MS4A18: variants seen among roughly 807,000 people sequenced by gnomAD.
MS4A18 encodes the protein membrane-spanning 4-domains subfamily A member 18.
A neutral mutation model predicts 13.1 loss-of-function variants in MS4A18; 27 were observed. The ratio of observed to expected loss-of-function variants is 2.06; its 90% CI spans 1.52 to 2.84. The LOEUF is 2.84. Among genes scored for constraint, MS4A18 ranks in the 30% most tolerant of loss-of-function variants. The pLI, the probability that MS4A18 is intolerant of heterozygous loss-of-function variation, is 0.00. For missense variants in MS4A18, 307 were observed against 196.4 expected (o/e 1.56, Z -3.37); for synonymous variants, 126 against 76.5 (o/e 1.65, Z -3.38).
At chr11:60,725,393 A>C (rs551514851), upstream of MS4A18, among the ~76,000 whole-genome samples, 1 of 152,030 alleles carries the variant, frequency 6.6e-6, no homozygotes. Context: ...ACAGGGTTTC[A>C]CCGTGTTAAC....
At chr11:60,726,124 A>G (rs1382646430), upstream of MS4A18, among the ~76,000 whole-genome samples, 3 of 152,200 alleles carry the variant, frequency 2.0e-5, no homozygotes, top group African/African-American at 4.8e-5. Flanking sequence ...TGAGTCTCAG[A>G]TCTATTCCTG....
At chr11:60,740,863 T>C (rs1374950503) in intron 4 of MS4A18, among the ~76,000 whole-genome samples, 167 bp from the exon 6 acceptor site, 1 of 152,016 alleles carries the variant, frequency 6.6e-6, no homozygotes, top group Non-Finnish European at 1.5e-5. Flanking sequence ...ACTAAGAGGG[T>C]AAGGCAAGGG....
chr11:60,728,151 A>G (rs1853191603), upstream of MS4A18, among the ~76,000 whole-genome samples: 1 of 152,242 alleles, frequency 6.6e-6, no homozygotes, highest in East Asian at 1.9e-4. Flanking sequence ...TTCCCAGGCC[A>G]CTTGGCCCAT....
chr11:60,733,424 C>T, intron 1 of MS4A18, 110 bp from the exon 3 acceptor site: 1 of 673,590 alleles, frequency 1.5e-6, no homozygotes, highest in Non-Finnish European at 2.7e-6. Flanking sequence ...GAGCCCCCAA[C>T]ACCAATCACC....
intron 1 of MS4A18, among the ~76,000 whole-genome samples, chr11:60,733,035 C>G (rs974962371): frequency 1.3e-5 from 2 of 152,252 alleles, no homozygotes; most frequent in African/African-American, 4.8e-5. Flanking sequence ...TTTCGGCCGA[C>G]AACTATCTGA....
At chr11:60,725,385 A>G (rs920198376), upstream of MS4A18, among the ~76,000 whole-genome samples, 33 of 152,190 alleles carry the variant, frequency 2.2e-4, no homozygotes, top group South Asian at 4.2e-4. Flanking sequence ...TAGTAGAGAC[A>G]GGGTTTCACC....
At chr11:60,733,767 C>A in intron 2 of MS4A18, 120 bp downstream of exon 3, 1 of 673,616 alleles carries the variant, frequency 1.5e-6, no homozygotes. Context: ...CTAGAGCCAG[C>A]CTCCAACTTG....
intron 3 of MS4A18, among the ~76,000 whole-genome samples, chr11:60,737,898 C>A (rs1042468797): frequency 2.0e-5 from 3 of 152,314 alleles, no homozygotes; most frequent in East Asian, 3.9e-4. Context: ...TGCTTCACCC[C>A]CTTTAGGAAG....
chr11:60,742,213 T>C (rs990079628), intron 5 of MS4A18, among the ~76,000 whole-genome samples: 4 of 152,226 alleles, frequency 2.6e-5, no homozygotes, highest in African/African-American at 9.6e-5. Context: ...CTCCACCCTC[T>C]GGACTCTTGG....
In MS4A18 at chr11:60,741,151, T is replaced by C. The variant is rs1015848597; in HGVS notation, c.858+8T>C. 23 of 702,906 alleles carry C rather than the reference T, an allele frequency of 3.3e-5. No homozygotes were observed. Among genetic ancestry groups the C allele is most frequent in the Non-Finnish European group, 5.5e-5 (21 of 385,016 alleles). The allele number at this position is 702,906 out of a possible 1,614,324, so 43.5% of individuals were successfully genotyped here. A position where few individuals can be genotyped will look rare whatever the true frequency, so the allele number is the denominator to read the frequency against. On this transcript the variant is annotated splice_region_variant and intron_variant, in intron 5 of 5. Transcript: ENST00000529108. ...TGCTGCAGACAATTTGAGGTAAGCA[T>C]TGGACTCTGTTCCAGGAATCAGATC...
intron 4 of MS4A18, 115 bp from the exon 6 acceptor site, chr11:60,740,915 C>T: frequency 1.5e-6 from 1 of 676,164 alleles, no homozygotes; most frequent in Admixed American, 2.1e-5. Flanking sequence ...CAAAGGGCCA[C>T]ATGCAGAGAG....
chr11:60,728,058 G>A (rs1029310071), upstream of MS4A18, among the ~76,000 whole-genome samples: 3 of 152,126 alleles, frequency 2.0e-5, no homozygotes, highest in African/African-American at 7.2e-5. Flanking sequence ...TAAACACAAG[G>A]AAAATGCAAC....
At chr11:60,733,944 G>A (rs1263177986) in intron 2 of MS4A18, among the ~76,000 whole-genome samples, 1 of 149,948 alleles carries the variant, frequency 6.7e-6, no homozygotes, top group Admixed American at 6.7e-5. Context: ...TCTCTTTTAT[G>A]AGATATTTAT....
chr11:60,734,766 T>TTTCTC (rs1853310190), intron 2 of MS4A18, among the ~76,000 whole-genome samples: 1 of 151,148 alleles, frequency 6.6e-6, no homozygotes, highest in African/African-American at 2.4e-5. Context: ...CAATATGAAT[T>TTTCTC]TTCTTTTCTT....
At chr11:60,735,451 A>G (rs1294779429) in intron 2 of MS4A18, among the ~76,000 whole-genome samples, 1 of 146,570 alleles carries the variant, frequency 6.8e-6, no homozygotes, top group Non-Finnish European at 1.5e-5. Context: ...CTCCTGCCTC[A>G]GCCTCCAGAG....
At chr11:60,737,569 G>T (rs1380568072) in intron 3 of MS4A18, among the ~76,000 whole-genome samples, 1 of 152,152 alleles carries the variant, frequency 6.6e-6, no homozygotes, top group Non-Finnish European at 1.5e-5. Context: ...GGAGCACAGG[G>T]CCCAGAATTC....
downstream of MS4A18, chr11:60,744,221 T>C (rs938012002): frequency 3.8e-5 from 20 of 528,142 alleles, no homozygotes; most frequent in East Asian, 6.5e-4. Context: ...TGGCTCTCAG[T>C]ATCTTTTAAC....
intron 1 of MS4A18, among the ~76,000 whole-genome samples, chr11:60,732,539 C>T (rs542037180): frequency 3.7e-4 from 56 of 151,940 alleles, no homozygotes; most frequent in Non-Finnish European, 4.1e-4. Flanking sequence ...ACCATCCTGG[C>T]TAACATGGTA....
At chr11:60,735,208 A>C (rs77160858) in intron 2 of MS4A18, among the ~76,000 whole-genome samples, 5,285 of 152,328 alleles carry the variant, frequency 0.035, 293 homozygotes, top group African/African-American at 0.12. Context: ...TTAAAAAATG[A>C]ACACCTACGT....
Sources: allele counts gnomAD v4.1 joint callset (sites outside exome capture counted in the v4.1 genomes callset), GRCh38; gene constraint gnomAD v4.1.1; transcripts MANE v1.5; gene names NCBI Gene and HGNC (gene_info 2026-07-23, HGNC 2026-07-21).